SPIDR: variants seen among roughly 807,000 people sequenced by gnomAD.
The protein encoded by SPIDR is DNA repair-scaffolding protein.
Under a neutral mutation model 104.6 loss-of-function variants are expected in SPIDR, and 93 were observed. The ratio of observed to expected loss-of-function variants is 0.89; its 90% CI spans 0.75 to 1.06. SPIDR has a LOEUF of 1.06. SPIDR is among the 50% of genes least tolerant of loss of function. The probability of loss-of-function intolerance (pLI) is 0.00; values close to 1 mark genes in which losing one functional copy is unlikely to be tolerated. For missense variants in SPIDR, 1,154 were observed against 1,111.2 expected (o/e 1.04, Z -0.55); for synonymous variants, 431 against 416.9 (o/e 1.03, Z -0.41).
intron 10 of SPIDR, among the ~76,000 whole-genome samples, chr8:47,606,054 G>A (rs2062899955): frequency 6.6e-6 from 1 of 152,172 alleles, no homozygotes; most frequent in Non-Finnish European, 1.5e-5. Flanking sequence ...CTTTGGAAAA[G>A]AAGCATTTGT....
At chr8:47,731,166 G>A (rs1325115179) in intron 19 of SPIDR, among the ~76,000 whole-genome samples, 1 of 151,810 alleles carries the variant, frequency 6.6e-6, no homozygotes, top group Non-Finnish European at 1.5e-5. Flanking sequence ...TGAGGCAGGA[G>A]AATCACTGGA....
intron 5 of SPIDR, among the ~76,000 whole-genome samples, chr8:47,376,846 G>T (rs1219776579): frequency 6.6e-6 from 1 of 152,088 alleles, no homozygotes; most frequent in Non-Finnish European, 1.5e-5. Flanking sequence ...TTATTGAAGT[G>T]CATTTGTTCT....
At chr8:47,266,836 G>A (rs2034170333) in intron 1 of SPIDR, among the ~76,000 whole-genome samples, 1 of 152,124 alleles carries the variant, frequency 6.6e-6, no homozygotes, top group South Asian at 2.1e-4. Flanking sequence ...GTTCCTAATT[G>A]TAGAATATTT....
chr8:47,685,479 T>C (rs1331880270), intron 11 of SPIDR, among the ~76,000 whole-genome samples: 1 of 111,734 alleles, frequency 8.9e-6, no homozygotes, highest in Non-Finnish European at 2.2e-5. Flanking sequence ...GTCAGTGGTT[T>C]TATTTATTTA....
chr8:47,693,964 C>A (rs1351510016), intron 11 of SPIDR, among the ~76,000 whole-genome samples: 1 of 152,234 alleles, frequency 6.6e-6, no homozygotes, highest in Non-Finnish European at 1.5e-5. Context: ...ATGGCCCTAG[C>A]CCCAGGAGCC....
chr8:47,654,018 C>T (rs2072201596), intron 10 of SPIDR: 1 of 1,287,302 alleles, frequency 7.8e-7, no homozygotes, highest in Non-Finnish European at 1.0e-6. Flanking sequence ...TATCAGATTC[C>T]ATGAGGGGAA....
intron 8 of SPIDR, among the ~76,000 whole-genome samples, chr8:47,552,925 T>A (rs956633841): frequency 5.9e-5 from 9 of 152,226 alleles, no homozygotes; most frequent in Admixed American, 3.3e-4. Context: ...TGTTTAGTGC[T>A]TCCTTCAGGA....
At chr8:47,282,087 A>C (rs1052069269) in intron 2 of SPIDR, among the ~76,000 whole-genome samples, 5 of 152,212 alleles carry the variant, frequency 3.3e-5, no homozygotes, top group Non-Finnish European at 7.3e-5. Flanking sequence ...TTTTCTTCTG[A>C]GCAGATCTCA....
intron 5 of SPIDR, among the ~76,000 whole-genome samples, chr8:47,322,190 G>T (rs959842706): frequency 6.6e-6 from 1 of 152,098 alleles, no homozygotes; most frequent in African/African-American, 2.4e-5. Flanking sequence ...TTTACAGTCT[G>T]CTCATCTGAC....
intron 7 of SPIDR, among the ~76,000 whole-genome samples, chr8:47,428,042 C>T (rs1563946141): frequency 6.6e-6 from 1 of 152,208 alleles, no homozygotes; most frequent in African/African-American, 2.4e-5. Context: ...CCCGTCTCAG[C>T]CTCCTGAGTA....
intron 8 of SPIDR, among the ~76,000 whole-genome samples, chr8:47,456,834 T>TA (rs1338654983): frequency 6.6e-6 from 1 of 152,156 alleles, no homozygotes; most frequent in Non-Finnish European, 1.5e-5. Flanking sequence ...AGCTCCCACT[T>TA]ATGAGTGAGA....
At chr8:47,563,907 C>G (rs138074611) in intron 8 of SPIDR, among the ~76,000 whole-genome samples, 44 of 152,180 alleles carry the variant, frequency 2.9e-4, no homozygotes, top group African/African-American at 9.4e-4. Flanking sequence ...TCTGACCAGT[C>G]TTTCAGCTAC....
intron 8 of SPIDR, among the ~76,000 whole-genome samples, chr8:47,560,285 G>A (rs1439758866): frequency 1.3e-5 from 2 of 152,190 alleles, no homozygotes; most frequent in African/African-American, 4.8e-5. Flanking sequence ...AGTGCTGGTA[G>A]GCCAAGGGAA....
chr8:47,293,853 A>G lies in SPIDR; in HGVS notation c.362-14A>G. 6.3e-7 allele frequency: 1 copy of G among 1,597,678 alleles called. No homozygotes were observed. The highest frequency in any genetic ancestry group is 8.5e-7 in the Non-Finnish European group (1 of 1,170,416). On this transcript the variant is annotated splice_polypyrimidine_tract_variant and intron_variant, in intron 4 of 19. Coordinates refer to ENST00000297423, the MANE Select transcript of SPIDR (RefSeq NM_001080394.4). ...AAGGAGATAATTAAGCAAGTTAAAA[A>G]TTATATTTTTTAGATGAATTACAGT... is the stretch of plus-strand genomic sequence containing the variant.
intron 11 of SPIDR, among the ~76,000 whole-genome samples, chr8:47,695,686 T>G (rs897729706): frequency 1.3e-5 from 2 of 152,236 alleles, no homozygotes; most frequent in African/African-American, 4.8e-5. Flanking sequence ...CTTTCCATGT[T>G]TACTTTCTTC....
At chr8:47,471,638 G>A (rs1554721136) in intron 8 of SPIDR, among the ~76,000 whole-genome samples, 1 of 152,142 alleles carries the variant, frequency 6.6e-6, no homozygotes, top group African/African-American at 2.4e-5. Context: ...AATGTTGAAG[G>A]TTATATAACA....
intron 11 of SPIDR, among the ~76,000 whole-genome samples, chr8:47,685,517 A>AGACAGTCTCTCTCTG: frequency 7.7e-6 from 1 of 130,098 alleles, no homozygotes; most frequent in Non-Finnish European, 1.7e-5. Context: ...TTATTTATTT[A>AGACAGTCTCTCTCTG]TTTTTTTGAG....
chr8:47,547,329 A>T (rs2089591642), intron 8 of SPIDR: 1 of 519,542 alleles, frequency 1.9e-6, no homozygotes, highest in Non-Finnish European at 3.8e-6. Context: ...TGCCCATGAC[A>T]TCTATGAATC....
intron 16 of SPIDR, among the ~76,000 whole-genome samples, chr8:47,716,162 G>T (rs982343364): frequency 2.0e-5 from 3 of 151,950 alleles, no homozygotes; most frequent in Admixed American, 1.3e-4. Context: ...ATTTTGCCGT[G>T]TTGGCCAGGC....
Sources: allele counts gnomAD v4.1 joint callset (sites outside exome capture counted in the v4.1 genomes callset), GRCh38; gene constraint gnomAD v4.1.1; transcripts MANE v1.5; gene names NCBI Gene and HGNC (gene_info 2026-07-23, HGNC 2026-07-21).